MANF: variants seen among roughly 807,000 people sequenced by gnomAD.
MANF encodes mesencephalic astrocyte-derived neurotrophic factor.
A neutral mutation model predicts 19.1 loss-of-function variants in MANF; 9 were observed. The ratio of observed to expected loss-of-function variants is 0.47; its 90% CI spans 0.28 to 0.82. MANF has a LOEUF of 0.82. Ranked by LOEUF, MANF falls within the 40% of genes least tolerant of loss-of-function variation. MANF has a pLI of 0.10. For synonymous variants in MANF, 89 were observed against 88.0 expected, an observed-to-expected ratio of 1.01 and a Z score of -0.06; for missense variants, 225 against 226.7, an observed-to-expected ratio of 0.99 and a Z score of 0.05.
chr3:51,388,496 G>C (rs890988541), intron 3 of MANF, among the ~76,000 whole-genome samples: 6 of 152,204 alleles, frequency 3.9e-5, no homozygotes, highest in Non-Finnish European at 7.3e-5. Context: ...AGGTCCAGTT[G>C]GCTCCAGGTC....
rs191280097 is a variant in MANF at position 51,385,854 on chromosome 3, T to C, written c.95-354T>C. The C allele has an allele frequency of 1.7e-4, 45 of 265,996 alleles. No individual in the cohort carries two copies. In the East Asian group the frequency reaches 3.2e-3, roughly 19 times the overall value. 16.5% of individuals were successfully genotyped at this position (265,996 alleles called of 1,614,324 possible). ...TATTTGGAAATTAGCAGCAGCATTT[T>C]GATCATTTTTCTCTTCACCTTCCAG... On this transcript the variant is annotated intron_variant, in intron 1 of 3. Coordinates refer to ENST00000528157, the MANE Select transcript of MANF (RefSeq NM_006010.6).
intron 3 of MANF, among the ~76,000 whole-genome samples, chr3:51,388,359 A>G (rs577790119): frequency 6.6e-6 from 1 of 152,374 alleles, no homozygotes; most frequent in South Asian, 2.1e-4. Context: ...GTTAGGAACT[A>G]CAGCATCTCT....
intron 3 of MANF, among the ~76,000 whole-genome samples, chr3:51,388,590 G>A (rs1553621115): frequency 6.6e-6 from 1 of 152,172 alleles, no homozygotes; most frequent in Non-Finnish European, 1.5e-5. Flanking sequence ...GTTAGTATGT[G>A]GTGACTATGT....
chr3:51,388,582 T>G (rs2088986297), intron 3 of MANF, among the ~76,000 whole-genome samples: 1 of 152,180 alleles, frequency 6.6e-6, no homozygotes, highest in Admixed American at 6.5e-5. Flanking sequence ...CTGGAGTTGT[T>G]AGTATGTGGT....
chr3:51,388,904 G>A lies in MANF; in HGVS notation c.365-1G>A. 1.9e-6 allele frequency: 3 copies of A among 1,563,604 alleles called. No homozygotes were observed. Among genetic ancestry groups the A allele is most frequent in the Non-Finnish European group, 2.6e-6 (3 of 1,154,610 alleles). ...GTGACTCTCCCTGCTCTCTCCTCCA[G>A]ACAAGCAGATCGACCTGAGCACAGT... On this transcript the variant is annotated splice_acceptor_variant, in intron 3 of 3. Coordinates refer to ENST00000528157, the MANE Select transcript of MANF (RefSeq NM_006010.6). LOFTEE classifies it high-confidence loss of function.
chr3:51,385,552 G>A lies in MANF; in HGVS notation c.94+116G>A, dbSNP rs9879891. 3.4e-3 allele frequency: 1,608 copies of A among 472,700 alleles called. 44 individuals carry two copies. Among genetic ancestry groups the A allele is most frequent in the African/African-American group, 0.031 (1,471 of 48,224 alleles). 29.3% of individuals were successfully genotyped at this position (472,700 alleles called of 1,614,324 possible). ...GGGCGAGGGCGGGGGCGGGGGCGGGGGCGACAGCAGGTCCCCGCGGGGCCT... is the reference window on the plus strand; with the variant it reads ...GGGCGAGGGCGGGGGCGGGGGCGGGAGCGACAGCAGGTCCCCGCGGGGCCT... On this transcript the variant is annotated intron_variant, in intron 1 of 3. Transcript: ENST00000528157.
chr3:51,385,610 A>C, intron 1 of MANF, 174 bp downstream of exon 1: 1 of 390,554 alleles, frequency 2.6e-6, no homozygotes, highest in African/African-American at 2.1e-5. Flanking sequence ...GCCCTAGTAA[A>C]TCTTTCTTGG....
At chr3:51,386,877 C>T (rs2088966929) in intron 2 of MANF, 2 of 456,666 alleles carry the variant, frequency 4.4e-6, no homozygotes, top group Non-Finnish European at 8.8e-6. Context: ...TTGAATTTCT[C>T]TGACAGTCTC....
chr3:51,385,848 G>A (rs2088949937), intron 1 of MANF: 1 of 271,054 alleles, frequency 3.7e-6, no homozygotes, highest in Non-Finnish European at 6.9e-6. Context: ...ATTAGCAGCA[G>A]CATTTTGATC....
chr3:51,387,904 T>C (rs1553621065), intron 3 of MANF, 26 bp downstream of exon 3: 1 of 1,611,010 alleles, frequency 6.2e-7, no homozygotes, highest in East Asian at 2.2e-5. Context: ...CCTTTCTTAA[T>C]GAATGCTGTG....
At chr3:51,386,857 G>A in intron 2 of MANF, 2 of 456,836 alleles carry the variant, frequency 4.4e-6, no homozygotes, top group Non-Finnish European at 8.8e-6. Context: ...GAAGCAATGG[G>A]TTTTCTAACT....
In MANF at chr3:51,385,351, G is replaced by A. The variant is rs1246042892; in HGVS notation, c.9G>A (p.Arg3=). The A allele has an allele frequency of 8.1e-7, 1 of 1,239,540 alleles. No homozygotes were observed. The highest frequency in any genetic ancestry group is 4.2e-5 in the Admixed American group (1 of 23,724). The allele number at this position is 1,239,540 out of a possible 1,614,324, so 76.8% of individuals were successfully genotyped here. A position where few individuals can be genotyped will look rare whatever the true frequency, so the allele number is the denominator to read the frequency against. The part of the protein sequence containing the change: MR[R]MWATQGLAVA... ...GGAGGAGGATGAGGAGGATGAGGAG[G>A]ATGTGGGCCACGCAGGGGCTGGCGG... Residue 3 remains arginine, a synonymous_variant, in exon 1 of 4, where the codon AGG becomes AGA. Transcript: ENST00000528157.
At chr3:51,385,663 TC>T (rs1301853539) in intron 1 of MANF, 2 of 370,966 alleles carry the variant, frequency 5.4e-6, no homozygotes, top group Non-Finnish European at 4.8e-6. Flanking sequence ...TGAGACTAGA[TC>T]CCGTTGAAAA....
Position 51,389,090 on chromosome 3 carries a change from T to C in MANF, c.*1T>C, listed in dbSNP as rs571506432. ...AGCCAGTGCACGGACCGATTTGTAG[T>C]CTGCTCAATCTCTGTTGCACCTGAG... On this transcript the variant is annotated 3_prime_UTR_variant, in exon 4 of 4. Transcript: ENST00000528157. 3.7e-4 allele frequency: 601 copies of C among 1,609,334 alleles called. 6 individuals are homozygous for C. In the South Asian group the frequency reaches 6.0e-3, roughly 16 times the overall value.
In MANF at chr3:51,387,861, T is replaced by C; in HGVS notation, c.347T>C (p.Ile116Thr). 6.2e-7 allele frequency: 1 copy of C among 1,613,716 alleles called. No homozygotes were observed. The highest frequency in any genetic ancestry group is 8.5e-7 in the Non-Finnish European group (1 of 1,179,728). Residue 116 changes from isoleucine (I) to threonine (T), a missense_variant, in exon 3 of 4, where the codon ATA becomes ACA. By Grantham distance (89) the Ile-to-Thr change is moderately conservative. Coordinates refer to ENST00000528157, the MANE Select transcript of MANF (RefSeq NM_006010.6). ...CEKLKKKDSQ[I>T]CELKYDKQID... ...AAGCTTAAGAAGAAGGACAGCCAGA[T>C]ATGTGAGCTTAAGTATGGTGAGTAT... is the stretch of plus-strand genomic sequence containing the variant.
chr3:51,386,650 C>T (rs1351072477), intron 2 of MANF, among the ~76,000 whole-genome samples: 8 of 152,264 alleles, frequency 5.3e-5, no homozygotes, highest in African/African-American at 1.7e-4. Flanking sequence ...GAAAATGGAC[C>T]AGCAGGTGCT....
chr3:51,385,789 CTGTT>C, intron 1 of MANF: 1 of 287,592 alleles, frequency 3.5e-6, no homozygotes, highest in Non-Finnish European at 6.5e-6. Context: ...TGCGCCCTGT[CTGTT>C]GGGATCACGA....
At position 51,385,382 on chromosome 3, in the gene MANF, C is replaced by T. The variant is rs1367429784; in HGVS notation, c.40C>T (p.Leu14=). ...MWATQGLAVA[L]ALSVLPGSRA... The stretch of plus-strand genomic sequence containing the variant: ...GGCCACGCAGGGGCTGGCGGTGGCG[C>T]TGGCTCTGAGCGTGCTGCCGGGCAG... Residue 14 remains leucine, a synonymous_variant, in exon 1 of 4, where the codon CTG becomes TTG. Coordinates refer to ENST00000528157, the MANE Select transcript of MANF (RefSeq NM_006010.6). 2 of 1,239,106 alleles carry T rather than the reference C, an allele frequency of 1.6e-6. No individual in the cohort carries two copies. The highest frequency in any genetic ancestry group is 2.0e-6 in the Non-Finnish European group (2 of 989,692). 76.8% of individuals were successfully genotyped at this position (1,239,106 alleles called of 1,614,324 possible). A position where few individuals can be genotyped will look rare whatever the true frequency, so the allele number is the denominator to read the frequency against.
Position 51,387,862 on chromosome 3 carries a change from A to ATG in MANF, c.351_352dup (p.Glu118ValfsTer11). 6.2e-7 allele frequency: 1 copy of ATG among 1,613,742 alleles called. No individual in the cohort carries two copies. The highest frequency in any genetic ancestry group is 8.5e-7 in the Non-Finnish European group (1 of 1,179,710). On this transcript the variant is annotated frameshift_variant, in exon 3 of 4. Transcript: ENST00000528157. LOFTEE classifies it high-confidence loss of function. The stretch of plus-strand genomic sequence containing the variant: ...AGCTTAAGAAGAAGGACAGCCAGAT[A>ATG]TGTGAGCTTAAGTATGGTGAGTATG...
Sources: allele counts gnomAD v4.1 joint callset (sites outside exome capture counted in the v4.1 genomes callset), GRCh38; gene constraint gnomAD v4.1.1; transcripts MANE v1.5; gene names NCBI Gene and HGNC (gene_info 2026-07-23, HGNC 2026-07-21).